The following PORCN variants were observed in gnomAD, a reference collection of about 807,000 sequenced individuals.
The protein encoded by PORCN is porcupine O-acyltransferase, also known as protein-serine O-palmitoleoyltransferase porcupine.
In PORCN, 1 loss-of-function variant was observed where a neutral mutation model predicts 43.0. That is an observed-to-expected ratio of 0.02 (90% confidence interval 0.01 to 0.11). The LOEUF is 0.11. Ranked by LOEUF, PORCN falls within the 10% of genes least tolerant of loss-of-function variation. The probability of loss-of-function intolerance (pLI) is 1.00; values close to 1 mark genes in which losing one functional copy is unlikely to be tolerated. For synonymous variants in PORCN, 148 were observed against 166.4 expected (o/e 0.89, Z 0.85); for missense variants, 240 against 392.1 (o/e 0.61, Z 3.28).
chrX:48,515,897 G>A lies in PORCN; in HGVS notation c.1031G>A (p.Ser344Asn). The change falls in exon 12 of 15, where the codon AGT becomes AAT. Residue 344 changes from serine to asparagine, a missense_variant. Coordinates refer to ENST00000326194, the MANE Select transcript of PORCN (RefSeq NM_203475.3). ...YAASALLHGF[S>N]FHLAAVLLSL... Reference sequence around the variant, plus strand: ...TCATCTGCATTCCCCCAGGGCTTCAGTTTCCACCTGGCTGCGGTCCTGCTG... The same window carrying A: ...TCATCTGCATTCCCCCAGGGCTTCAATTTCCACCTGGCTGCGGTCCTGCTG... 3 of 1,211,549 alleles carry A rather than the reference G, an allele frequency of 2.5e-6. No individual in the cohort carries two copies. Among genetic ancestry groups the A allele is most frequent in the Non-Finnish European group, 3.4e-6 (3 of 895,383 alleles).
chrX:48,509,691 C>A (rs2061660246), intron 1 of PORCN, 93 bp from the exon 2 acceptor site: 1 of 1,158,157 alleles, frequency 8.6e-7, no homozygotes, highest in Non-Finnish European at 1.2e-6. Context: ...ATGGGCTGGG[C>A]AGCCCCAAAC....
chrX:48,518,820 CTTT>C (rs1250444861), intron 14 of PORCN, among the ~76,000 whole-genome samples: 1 of 101,140 alleles, frequency 9.9e-6, no homozygotes, highest in East Asian at 3.0e-4. Flanking sequence ...ATTTGCTTTT[CTTT>C]TTTTTTTTTG....
chrX:48,520,621 C>G lies in PORCN; in HGVS notation c.*145C>G. On this transcript the variant is annotated 3_prime_UTR_variant, in exon 15 of 15. Transcript: ENST00000326194. ...CAACACACACACACACACACACACA[C>G]AAAATCACACCATTTTCATGCCTGT... The G allele has an allele frequency of 1.2e-5, 6 of 480,507 alleles. No homozygotes were observed. The Admixed American group carries it at 1.4e-4, about 11-fold the overall frequency. 39.6% of individuals were successfully genotyped at this position (480,507 alleles called of 1,213,427 possible).
intron 4 of PORCN, 137 bp from the exon 5 acceptor site, chrX:48,512,189 C>A: frequency 1.4e-6 from 1 of 717,651 alleles, no homozygotes; most frequent in Non-Finnish European, 2.1e-6. Flanking sequence ...GCTTCCTTGC[C>A]CACCTGCCTA....
In PORCN at chrX:48,514,547, C is replaced by G. The variant is rs1013081695; in HGVS notation, c.868C>G (p.Leu290Val). Residue 290 changes from leucine to valine, a missense_variant, in exon 10 of 15, where the codon CTG (leucine) becomes GTG (valine). Leu to Val is a conservative substitution (Grantham distance 32). Coordinates refer to ENST00000326194, the MANE Select transcript of PORCN (RefSeq NM_203475.3). ...LEWDLTVSKP[L>V]NVELPRSMVE... ...CAGGGACCTGACGGTGTCCAAGCCA[C>G]TGAATGTGGAGCTGCCTCGGTCAAT... is the stretch of plus-strand genomic sequence containing the variant. 2 of 1,211,852 alleles carry G rather than the reference C, an allele frequency of 1.7e-6. No homozygotes were observed. Among genetic ancestry groups the G allele is most frequent in the Non-Finnish European group, 2.2e-6 (2 of 895,268 alleles).
chrX:48,516,526 G>A (rs2061718752), intron 13 of PORCN, among the ~76,000 whole-genome samples: 2 of 111,723 alleles, frequency 1.8e-5, no homozygotes, highest in South Asian at 7.5e-4. Context: ...GTAGTGCTAA[G>A]GAGAAAATGT....
intron 13 of PORCN, 93 bp downstream of exon 13, chrX:48,516,239 C>A: frequency 1.2e-6 from 1 of 866,290 alleles, no homozygotes; most frequent in Non-Finnish European, 1.7e-6. Flanking sequence ...GGGTGCCCAC[C>A]TTCTTCTTTT....
At chrX:48,520,346 TG>T in intron 14 of PORCN, 28 bp from the exon 15 acceptor site, 1 of 1,114,738 alleles carries the variant, frequency 9.0e-7, no homozygotes, top group Non-Finnish European at 1.2e-6. Context: ...CCTTGCTAAG[TG>T]GGACCATCAC....
Position 48,511,413 on chromosome X carries a change from G to A in PORCN, c.255G>A (p.Val85=), listed in dbSNP as rs902265788. 2 of 1,209,455 alleles carry A rather than the reference G, an allele frequency of 1.7e-6. No individual in the cohort carries two copies. Among genetic ancestry groups the A allele is most frequent in the African/African-American group, 3.5e-5 (2 of 57,057 alleles). ...VVLLSLLCYL[V]LFLCRHSSHR... ...TGCTCAGCCTCCTGTGCTACCTCGTGCTGTTCCTCTGCCGACATTCCTCCC... is the reference window on the plus strand; with the variant it reads ...TGCTCAGCCTCCTGTGCTACCTCGTACTGTTCCTCTGCCGACATTCCTCCC... Residue 85 remains valine (V), a synonymous_variant, in exon 3 of 15, where the codon GTG becomes GTA. Coordinates refer to ENST00000326194, the MANE Select transcript of PORCN (RefSeq NM_203475.3).
chrX:48,512,745 C>T (rs1556974255), intron 6 of PORCN, 26 bp downstream of exon 6: 20 of 1,212,423 alleles, frequency 1.6e-5, no homozygotes, highest in Non-Finnish European at 2.2e-5. Flanking sequence ...GAGGCCCCTG[C>T]CCAGCAATGA....
At chrX:48,513,071 T>G (rs2061688236) in intron 7 of PORCN, among the ~76,000 whole-genome samples, 1 of 112,623 alleles carries the variant, frequency 8.9e-6, no homozygotes, top group Non-Finnish European at 1.9e-5. Context: ...TCTGTTCAGC[T>G]GTCTCGCTGT....
intron 14 of PORCN, among the ~76,000 whole-genome samples, chrX:48,519,403 C>A (rs933150257): frequency 2.1e-4 from 24 of 112,467 alleles, no homozygotes; most frequent in Admixed American, 1.9e-3. Flanking sequence ...GAAAATCTTC[C>A]ACATCAGGAT....
At position 48,510,529 on chromosome X, in the gene PORCN, C is replaced by T. The variant is rs1233659230; in HGVS notation, c.136+573C>T. Among the ~76,000 whole-genome samples the T allele has an allele frequency of 3.6e-5, 4 of 111,898 alleles. No homozygotes were observed. The East Asian group carries it at 8.4e-4, about 23-fold the overall frequency. ...AAGTCCCCAAGATTCCTATAGGAGG[C>T]GGAGATTTCTGGAAATCTGAGATCC... On this transcript the variant is annotated intron_variant, in intron 2 of 14. Transcript: ENST00000326194.
chrX:48,517,811 CA>C (rs782590111), intron 14 of PORCN, among the ~76,000 whole-genome samples: 17 of 102,939 alleles, frequency 1.7e-4, no homozygotes, highest in South Asian at 4.2e-4. Flanking sequence ...GAGACTCTCT[CA>C]AAAAAAAAAA....
At chrX:48,512,923 G>A in intron 7 of PORCN, 71 bp downstream of exon 7, 1 of 1,148,937 alleles carries the variant, frequency 8.7e-7, no homozygotes, top group Non-Finnish European at 1.2e-6. Flanking sequence ...CATGACCAAT[G>A]GGTTCTGTGT....
Position 48,511,473 on chromosome X carries a change from C to A in PORCN, c.315C>A (p.Ile105=). 8.3e-7 allele frequency: 1 copy of A among 1,208,998 alleles called. No individual in the cohort carries two copies. The highest frequency in any genetic ancestry group is 1.7e-5 in the African/African-American group (1 of 57,736). The change falls in exon 3 of 15, where the codon ATC becomes ATA. Residue 105 remains isoleucine (I), a synonymous_variant. Transcript: ENST00000326194. ...RGVFLSVTIL[I]YLLMGEMHMV... ...TCTTCCTATCCGTCACCATCCTCAT[C>A]TACCTACTCATGGGGTATGAGTATG...
intron 10 of PORCN, 117 bp from the exon 11 acceptor site, chrX:48,515,600 A>G: frequency 1.7e-6 from 1 of 593,778 alleles, no homozygotes; most frequent in South Asian, 2.3e-5. Flanking sequence ...GAGGCCATCT[A>G]AGGACTTTAT....
intron 7 of PORCN, among the ~76,000 whole-genome samples, chrX:48,513,616 C>T (rs1271266672): frequency 2.7e-5 from 3 of 112,764 alleles, no homozygotes; most frequent in African/African-American, 9.7e-5. Context: ...AGCAGCCAGG[C>T]ATGAATCCCA....
intron 1 of PORCN, 107 bp from the exon 2 acceptor site, chrX:48,509,666 GTACCGTGCCTC>G: frequency 8.7e-7 from 1 of 1,152,562 alleles, no homozygotes; most frequent in Non-Finnish European, 1.2e-6. Flanking sequence ...CAGTCCTCCA[GTACCGTGCCTC>G]TACATGGGCT....
Sources: allele counts gnomAD v4.1 joint callset (sites outside exome capture counted in the v4.1 genomes callset), GRCh38; gene constraint gnomAD v4.1.1; transcripts MANE v1.5; gene names NCBI Gene and HGNC (gene_info 2026-07-23, HGNC 2026-07-21).